MYT1: variants seen among roughly 807,000 people sequenced by gnomAD.
MYT1 encodes the protein myelin transcription factor I.
Under a neutral mutation model 123.0 loss-of-function variants are expected in MYT1, and 23 were observed. The ratio of observed to expected loss-of-function variants is 0.19; its 90% confidence interval spans 0.13 to 0.26. MYT1 has a LOEUF of 0.26. Among genes scored for constraint, MYT1 ranks in the 10% least tolerant of loss-of-function variants. The pLI is 1.00. For missense variants in MYT1, 1,125 were observed against 1,472.5 expected (o/e 0.76, Z 3.86); for synonymous variants, 518 against 575.3 (o/e 0.90, Z 1.43).
At chr20:64,216,793 T>C (rs1316437435) in intron 10 of MYT1, among the ~76,000 whole-genome samples, 2 of 152,256 alleles carry the variant, frequency 1.3e-5, no homozygotes, top group East Asian at 3.8e-4. Context: ...TATCTGATGC[T>C]GTCAGCAGGA....
chr20:64,211,325 A>T lies in MYT1; in HGVS notation c.1411A>T (p.Arg471Trp). 1 of 1,613,496 alleles carries T rather than the reference A, an allele frequency of 6.2e-7. No homozygotes were observed. The highest frequency in any genetic ancestry group is 1.1e-5 in the South Asian group (1 of 90,918). The change falls in exon 8 of 23, where the codon AGG becomes TGG. Residue 471 changes from arginine to tryptophan, a missense_variant. Physicochemically the swap from Arg to Trp is moderately radical, Grantham distance 101. Around this residue, in one of 4 missense-constraint regions of MYT1, gnomAD observed 429 missense variants for 604.1 expected, o/e 0.71. Coordinates refer to ENST00000328439, the MANE Select transcript of MYT1 (RefSeq NM_004535.3). ...RSLSGCPHKD[R>W]IPPEILAMHE... ...CCTTTCTGGCTGTCCCCACAAGGAT[A>T]GGATCCCCCCAGAGAGTGAGTAGCT... is the stretch of plus-strand genomic sequence containing the variant.
rs1482087685 is a variant in MYT1, at chr20:64,196,822, CA to C, written c.1-2037del. Among the ~76,000 whole-genome samples the C allele has an allele frequency of 6.6e-6, 1 of 152,198 alleles. No homozygotes were observed. Among genetic ancestry groups the C allele is most frequent in the Non-Finnish European group, 1.5e-5 (1 of 68,052 alleles). On this transcript the variant is annotated intron_variant, in intron 2 of 22. Transcript: ENST00000328439. This position sits in a 1 kb window ranked among gnomAD's most constrained non-coding sequence, Gnocchi z 4.3. ...TTGAATAATTTATCTGCAGGAAATC[CA>C]AATTGCCAAGGCACGCTTTAACCTA... is the stretch of plus-strand genomic sequence containing the variant.
intron 16 of MYT1, among the ~76,000 whole-genome samples, chr20:64,224,228 G>A (rs957060489): frequency 6.6e-6 from 1 of 152,212 alleles, no homozygotes; most frequent in African/African-American, 2.4e-5. Flanking sequence ...CTCTCCAGGG[G>A]TGTCCCTCCC....
intron 19 of MYT1, among the ~76,000 whole-genome samples, chr20:64,236,067 G>A (rs1984527346): frequency 9.0e-6 from 1 of 110,714 alleles, no homozygotes; most frequent in African/African-American, 4.3e-5. Flanking sequence ...GTGACCCTGG[G>A]CTGGCCGTGG....
intron 1 of MYT1, among the ~76,000 whole-genome samples, chr20:64,173,050 C>A (rs1246496763): frequency 6.6e-6 from 1 of 152,100 alleles, no homozygotes; most frequent in Admixed American, 6.6e-5. Flanking sequence ...TAATTCTTAT[C>A]TTGCATCTGG....
At position 64,215,544 on chromosome 20, in the gene MYT1, A is replaced by G. The variant is rs531275411; in HGVS notation, c.1632-1523A>G. Among the ~76,000 whole-genome samples, 69 of 152,232 alleles carry G rather than the reference A, an allele frequency of 4.5e-4. 2 individuals carry two copies. In the South Asian group the frequency reaches 0.013, roughly 29 times the overall value. On this transcript the variant is annotated intron_variant, in intron 10 of 22. Transcript: ENST00000328439. ...ACAGATTCTGACTGAAGCCTTGGTC[A>G]AGGAAGCCATCAACGGTGGTACCAA...
chr20:64,215,718 A>G (rs1345680115), intron 10 of MYT1, among the ~76,000 whole-genome samples: 1 of 150,986 alleles, frequency 6.6e-6, no homozygotes, highest in African/African-American at 2.4e-5. Flanking sequence ...CCGAGTACCT[A>G]GGAATACAGA....
intron 11 of MYT1, 69 bp downstream of exon 11, chr20:64,217,350 A>G (rs1983868684): frequency 6.5e-7 from 1 of 1,533,642 alleles, no homozygotes; most frequent in Admixed American, 1.7e-5. Context: ...TTCAAGGGGC[A>G]GTGGAGGAGG....
chr20:64,167,046 G>A lies in MYT1; in HGVS notation c.-99+2307G>A, dbSNP rs1282454390. On this transcript the variant is annotated intron_variant, in intron 1 of 22. Coordinates refer to ENST00000328439, the MANE Select transcript of MYT1 (RefSeq NM_004535.3). This position sits in a 1 kb window ranked among gnomAD's most constrained non-coding sequence, Gnocchi z 6.3. ...GAATGTGCAGACAATGACATTTGTG[G>A]TGGTGTGGTGGGTAGAGGAGACCCA... Among the ~76,000 whole-genome samples, 2 of 152,140 alleles carry A rather than the reference G, an allele frequency of 1.3e-5. No homozygotes were observed. The highest frequency in any genetic ancestry group is 2.9e-5 in the Non-Finnish European group (2 of 68,016).
intron 2 of MYT1, among the ~76,000 whole-genome samples, chr20:64,195,643 G>A (rs572235084): frequency 1.1e-3 from 173 of 152,002 alleles, no homozygotes; most frequent in African/African-American, 3.7e-3. Flanking sequence ...TGATCCACCC[G>A]CCTCAGCCTC....
intron 16 of MYT1, among the ~76,000 whole-genome samples, chr20:64,223,586 C>A (rs1243482401): frequency 6.6e-6 from 1 of 152,100 alleles, no homozygotes; most frequent in African/African-American, 2.4e-5. Context: ...TGCCTCTCCG[C>A]TGGGGGCTAG....
intron 4 of MYT1, among the ~76,000 whole-genome samples, chr20:64,200,685 A>C (rs1983268907): frequency 6.6e-6 from 1 of 152,242 alleles, no homozygotes; most frequent in Admixed American, 6.5e-5. Flanking sequence ...TGGGAAGGTC[A>C]TGGAAGCACT....
chr20:64,202,717 T>C lies in MYT1; in HGVS notation c.87-2318T>C, dbSNP rs1983361905. ...TTGACGCCTACTTTTCAAGTTTGGG[T>C]CCCTCAGAGCTGTCATGCAGGATGC... is the stretch of plus-strand genomic sequence containing the variant. On this transcript the variant is annotated intron_variant, in intron 4 of 22. Coordinates refer to ENST00000328439, the MANE Select transcript of MYT1 (RefSeq NM_004535.3). This position sits in a 1 kb window ranked among gnomAD's most constrained non-coding sequence, Gnocchi z 5.0. Among the ~76,000 whole-genome samples, 1 of 152,144 alleles carries C rather than the reference T, an allele frequency of 6.6e-6. No individual in the cohort carries two copies. Among genetic ancestry groups the C allele is most frequent in the Non-Finnish European group, 1.5e-5 (1 of 68,012 alleles).
At chr20:64,235,310 T>G (rs1440088844) in intron 19 of MYT1, among the ~76,000 whole-genome samples, 1 of 71,680 alleles carries the variant, frequency 1.4e-5, no homozygotes, top group African/African-American at 6.7e-5. Context: ...CCGAGCTGGC[T>G]GTGGTGGGTG....
chr20:64,193,970 C>T lies in MYT1; in HGVS notation c.-1+3810C>T, dbSNP rs999781642. On this transcript the variant is annotated intron_variant, in intron 2 of 22. Transcript: ENST00000328439. This position sits in a 1 kb window ranked among gnomAD's most constrained non-coding sequence, Gnocchi z 4.0. The stretch of plus-strand genomic sequence containing the variant: ...AATGGCCCCCGTGGTGTCAGAATGC[C>T]CGGAACCCCCCAGCTCAGCGTTCCC... 6.6e-6 allele frequency among the ~76,000 whole-genome samples: 1 copy of T among 152,134 alleles called. No homozygotes were observed. Among genetic ancestry groups the T allele is most frequent in the Non-Finnish European group, 1.5e-5 (1 of 68,014 alleles).
Position 64,208,411 on chromosome 20 carries a change from G to A in MYT1, c.1215G>A (p.Gln405=). 6.2e-7 allele frequency: 1 copy of A among 1,613,478 alleles called. No homozygotes were observed. The highest frequency in any genetic ancestry group is 8.5e-7 in the Non-Finnish European group (1 of 1,179,980). Residue 405 remains glutamine, a synonymous_variant, in exon 7 of 23, where the codon CAG becomes CAA. Coordinates refer to ENST00000328439, the MANE Select transcript of MYT1 (RefSeq NM_004535.3). The surrounding 1 kb of genome is among the most constrained non-coding windows in gnomAD (Gnocchi z 5.4). ...AGCCGGGCTGCCCGCCTGCCGAGCA[G>A]AGCCAGCTGGGCCTGGGAGAGCCAG... ...VCEPGCPPAE[Q]SQLGLGEPGK...
chr20:64,199,032 C>T (rs1035527209), intron 3 of MYT1, 116 bp downstream of exon 3: 8 of 1,036,772 alleles, frequency 7.7e-6, no homozygotes, highest in Non-Finnish European at 1.1e-5. Flanking sequence ...GACCTCAGGC[C>T]TCTTCAGCCT....
In MYT1 at chr20:64,240,789, T is replaced by G; in HGVS notation, c.*341T>G. 1 of 233,086 alleles carries G rather than the reference T, an allele frequency of 4.3e-6. No individual in the cohort carries two copies. The highest frequency in any genetic ancestry group is 9.6e-5 in the East Asian group (1 of 10,390). 14.4% of individuals were successfully genotyped at this position (233,086 alleles called of 1,614,324 possible). A position where few individuals can be genotyped will look rare whatever the true frequency, so the allele number is the denominator to read the frequency against. On this transcript the variant is annotated 3_prime_UTR_variant, in exon 23 of 23. Transcript: ENST00000328439. ...AGTTTTGGAGTTTGCAACCACAGTA[T>G]TCCTTTGTCTGTCGAGGCTGGGAGG...
chr20:64,169,207 C>T (rs1201017467), intron 1 of MYT1, among the ~76,000 whole-genome samples: 1 of 152,086 alleles, frequency 6.6e-6, no homozygotes, highest in Non-Finnish European at 1.5e-5. Flanking sequence ...TTGGATGCTC[C>T]ATGGTGCACC....
Sources: gnomAD v4.1 joint callset for allele counts (sites outside exome capture counted in the v4.1 genomes callset) on GRCh38, gnomAD v4.1.1 for gene constraint, gnomAD v4.1.1 regional missense constraint, Gnocchi (gnomAD v3.1) non-coding constraint, MANE v1.5 for transcripts, NCBI Gene and HGNC (gene_info 2026-07-23, HGNC 2026-07-21) for gene names.